The following CDC7 variants were observed in gnomAD, a reference collection of about 807,000 sequenced individuals.
CDC7 encodes the protein cell division cycle 7-related protein kinase.
Under a neutral mutation model 53.5 loss-of-function variants are expected in CDC7, and 34 were observed. The ratio of observed to expected loss-of-function variants is 0.64; its 90% confidence interval spans 0.48 to 0.85. The LOEUF (loss-of-function observed/expected upper bound fraction) is 0.85. CDC7 is among the 40% of genes least tolerant of loss of function. The pLI is 0.00. For missense variants in CDC7, 594 were observed against 679.7 expected (o/e 0.87, Z 1.40); for synonymous variants, 211 against 222.8 (o/e 0.95, Z 0.47).
intron 7 of CDC7, 117 bp downstream of exon 7, chr1:91,513,424 ATTTGTT>A (rs1376240685): frequency 1.3e-6 from 1 of 773,038 alleles, no homozygotes; most frequent in Non-Finnish European, 2.0e-6. Context: ...TTTTTTTTGC[ATTTGTT>A]ATATGTATTC....
intron 7 of CDC7, 85 bp from the exon 8 acceptor site, chr1:91,513,863 C>A: frequency 1.0e-6 from 1 of 955,066 alleles, no homozygotes; most frequent in Non-Finnish European, 1.6e-6. Context: ...TCTCACTTAA[C>A]TCTTTCAAAA....
chr1:91,515,647 C>A, intron 9 of CDC7, 147 bp from the exon 10 acceptor site: 1 of 877,644 alleles, frequency 1.1e-6, no homozygotes, highest in Non-Finnish European at 1.6e-6. Context: ...GGATTTTTAT[C>A]ACACTAGATT....
intron 10 of CDC7, among the ~76,000 whole-genome samples, chr1:91,517,958 C>T (rs1667656214): frequency 6.6e-6 from 1 of 151,788 alleles, no homozygotes; most frequent in South Asian, 2.1e-4. Flanking sequence ...ATTAGCAGGG[C>T]ATGGTGGCAC....
At chr1:91,519,162 G>A (rs765505721) in intron 10 of CDC7, among the ~76,000 whole-genome samples, 2 of 149,268 alleles carry the variant, frequency 1.3e-5, no homozygotes, top group Admixed American at 6.8e-5. Context: ...AACTAAAAGA[G>A]TACTTTGAGG....
rs143057453 is a variant in CDC7, at chr1:91,516,988, G to A, written c.1180+1112G>A. On this transcript the variant is annotated intron_variant, in intron 10 of 11. Transcript: ENST00000234626. ...GCTGAGGCAAGAGAATCACTTGAACGCAGGAGGCGGAAGTTGCAGTGAGCC... is the reference window on the plus strand; with the variant it reads ...GCTGAGGCAAGAGAATCACTTGAACACAGGAGGCGGAAGTTGCAGTGAGCC... Among the ~76,000 whole-genome samples the A allele has an allele frequency of 6.7e-4, 102 of 152,092 alleles. No homozygotes were observed. In the East Asian group the frequency reaches 0.016, roughly 24 times the overall value.
At chr1:91,513,916 C>A (rs1667417818) in intron 7 of CDC7, 32 bp from the exon 8 acceptor site, 2 of 1,450,098 alleles carry the variant, frequency 1.4e-6, no homozygotes, top group Non-Finnish European at 9.7e-7. Context: ...CAGATATAAT[C>A]CTTATTTTCC....
intron 8 of CDC7, among the ~76,000 whole-genome samples, chr1:91,514,287 T>G (rs1451275576): frequency 1.3e-5 from 2 of 152,166 alleles, no homozygotes; most frequent in Non-Finnish European, 2.9e-5. Flanking sequence ...GAGGAACATT[T>G]AGAACATTAA....
At position 91,508,248 on chromosome 1, in the gene CDC7, A is replaced by G. The variant is rs1667093612; in HGVS notation, c.200-14A>G. 6.4e-7 allele frequency: 1 copy of G among 1,566,752 alleles called. No homozygotes were observed. The highest frequency in any genetic ancestry group is 8.6e-7 in the Non-Finnish European group (1 of 1,161,804). On this transcript the variant is annotated splice_polypyrimidine_tract_variant and intron_variant, in intron 3 of 11. Transcript: ENST00000234626. Reference sequence around the variant, plus strand: ...AAAACCAGATATTGAAAAATTTAATAAATTGTTTTACAGGCACTTTCAGCT... The same window carrying G: ...AAAACCAGATATTGAAAAATTTAATGAATTGTTTTACAGGCACTTTCAGCT...
At chr1:91,508,853 T>A (rs1019859434) in intron 4 of CDC7, among the ~76,000 whole-genome samples, 19 of 152,106 alleles carry the variant, frequency 1.2e-4, no homozygotes, top group African/African-American at 4.6e-4. Context: ...CTGCCCTCCT[T>A]CTTCCACCTG....
chr1:91,516,383 G>A (rs13447520), intron 10 of CDC7, among the ~76,000 whole-genome samples: 9 of 152,096 alleles, frequency 5.9e-5, no homozygotes, highest in Admixed American at 1.3e-4. Flanking sequence ...AATGTCTTCC[G>A]TAATCTAAAA....
intron 10 of CDC7, among the ~76,000 whole-genome samples, chr1:91,517,867 G>A (rs1223989699): frequency 1.3e-5 from 2 of 152,130 alleles, no homozygotes; most frequent in African/African-American, 2.4e-5. Flanking sequence ...GGAGGCCAAG[G>A]CAGGCAGATC....
rs1668239828 is a variant in CDC7, at chr1:91,525,721, C to T, written c.*1286C>T. On this transcript the variant is annotated 3_prime_UTR_variant, in exon 12 of 12. Coordinates refer to ENST00000234626, the MANE Select transcript of CDC7 (RefSeq NM_003503.4). ...TAATCTTAAAAAAAATTTGAATGCT[C>T]TTGAATTTGTATATTCAATAAAGTT... 1 of 151,660 alleles carries T rather than the reference C, an allele frequency of 6.6e-6. No individual in the cohort carries two copies. Among genetic ancestry groups the T allele is most frequent in the Non-Finnish European group, 1.5e-5 (1 of 67,900 alleles). The allele number at this position is 151,660 out of a possible 1,614,324, so 9.4% of individuals were successfully genotyped here.
At chr1:91,509,847 C>T (rs1403979557) in intron 4 of CDC7, among the ~76,000 whole-genome samples, 1 of 152,124 alleles carries the variant, frequency 6.6e-6, no homozygotes, top group Non-Finnish European at 1.5e-5. Context: ...CAAGAGCTTT[C>T]TTACCTCAGG....
In CDC7 at chr1:91,501,679, ACCCCTTAG is replaced by A; in HGVS notation, c.-36_-29del. 6.9e-7 allele frequency: 1 copy of A among 1,445,018 alleles called. No individual in the cohort carries two copies. The highest frequency in any genetic ancestry group is 9.7e-7 in the Non-Finnish European group (1 of 1,028,634). The allele number at this position is 1,445,018 out of a possible 1,614,324, so 89.5% of individuals were successfully genotyped here. Reference sequence around the variant, plus strand: ...CTGCTTTGCTCCCCCTGTGGATGTAACCCCTTAGCTGGCATTTTGCATCTCAATTGGCT... The same window carrying A: ...CTGCTTTGCTCCCCCTGTGGATGTAACTGGCATTTTGCATCTCAATTGGCT... On this transcript the variant is annotated 5_prime_UTR_variant, in exon 2 of 12. Transcript: ENST00000234626.
rs796374780 is a variant in CDC7 at position 91,501,083 on chromosome 1, A to C, written c.-64+135A>C. On this transcript the variant is annotated intron_variant, in intron 1 of 11. Coordinates refer to ENST00000234626, the MANE Select transcript of CDC7 (RefSeq NM_003503.4). ...TCGGATCCCTCCGACCTGCGGCGGGAAAGTCGCGCGCCTGCGCACTAAGCA... is the reference window on the plus strand; with the variant it reads ...TCGGATCCCTCCGACCTGCGGCGGGCAAGTCGCGCGCCTGCGCACTAAGCA... 7.9e-5 allele frequency: 12 copies of C among 152,308 alleles called. 1 individual carries two copies. The highest frequency in any genetic ancestry group is 2.9e-4 in the African/African-American group (12 of 41,574). 9.4% of individuals were successfully genotyped at this position (152,308 alleles called of 1,614,324 possible).
At chr1:91,512,235 T>C (rs1420239810) in intron 6 of CDC7, among the ~76,000 whole-genome samples, 3 of 152,074 alleles carry the variant, frequency 2.0e-5, no homozygotes, top group Non-Finnish European at 4.4e-5. Flanking sequence ...CTCTTAGATA[T>C]AATATAACAT....
At chr1:91,514,115 T>C in intron 8 of CDC7, 72 bp downstream of exon 8, 1 of 905,560 alleles carries the variant, frequency 1.1e-6, no homozygotes, top group Non-Finnish European at 1.7e-6. Flanking sequence ...AATAACTAGA[T>C]TAACATTTAT....
intron 11 of CDC7, among the ~76,000 whole-genome samples, chr1:91,522,283 A>T (rs1667992889): frequency 6.6e-6 from 1 of 152,238 alleles, no homozygotes; most frequent in South Asian, 2.1e-4. Flanking sequence ...AAGCCTCAAA[A>T]TTTCAACAAA....
At chr1:91,517,959 A>G (rs962972190) in intron 10 of CDC7, among the ~76,000 whole-genome samples, 4 of 151,942 alleles carry the variant, frequency 2.6e-5, no homozygotes, top group Admixed American at 6.6e-5. Context: ...TTAGCAGGGC[A>G]TGGTGGCACA....
Sources: allele counts gnomAD v4.1 joint callset (sites outside exome capture counted in the v4.1 genomes callset), GRCh38; gene constraint gnomAD v4.1.1; transcripts MANE v1.5; gene names NCBI Gene and HGNC (gene_info 2026-07-23, HGNC 2026-07-21).